The following MFAP1 variants were observed in gnomAD, a reference collection of about 807,000 sequenced individuals.
The protein encoded by MFAP1 is microfibril associated protein 1, also known as microfibrillar-associated protein 1.
A neutral mutation model predicts 62.2 loss-of-function variants in MFAP1; 18 were observed. The observed-to-expected ratio is 0.29, with a 90% CI of 0.20 to 0.43. The LOEUF (loss-of-function observed/expected upper bound fraction) is 0.43, where lower values mean the gene tolerates loss of function less well. Ranked by LOEUF, MFAP1 falls within the 20% of genes least tolerant of loss-of-function variation. The pLI is 1.00. For missense variants in MFAP1, 355 were observed against 559.7 expected (o/e 0.63, Z 3.69); for synonymous variants, 175 against 180.4 (o/e 0.97, Z 0.24).
rs2087456879 is a variant in MFAP1 at position 43,819,869 on chromosome 15, TGG to T, written c.80-2423_80-2422del. Reference sequence around the variant, plus strand: ...CTTTAAAAATCAGTGGGCATCCAGCTGGGTGTGGTGGCTCACGCCTGTAATCC... The same window carrying T: ...CTTTAAAAATCAGTGGGCATCCAGCTGTGTGGTGGCTCACGCCTGTAATCC... On this transcript the variant is annotated intron_variant, in intron 1 of 8. Transcript: ENST00000267812. Among the ~76,000 whole-genome samples, 6 of 152,182 alleles carry T rather than the reference TGG, an allele frequency of 3.9e-5. No homozygotes were observed. In the South Asian group the frequency reaches 1.2e-3, roughly 32 times the overall value.
chr15:43,808,691 T>C (rs1272139538), intron 7 of MFAP1, among the ~76,000 whole-genome samples: 2 of 152,234 alleles, frequency 1.3e-5, no homozygotes, highest in African/African-American at 4.8e-5. Context: ...AAACACTTCC[T>C]GCTAATCAGA....
chr15:43,813,458 C>A, intron 4 of MFAP1, 101 bp from the exon 5 acceptor site: 1 of 1,051,308 alleles, frequency 9.5e-7, no homozygotes, highest in East Asian at 2.8e-5. Flanking sequence ...ACCAAACAAT[C>A]TTTGGCTCTA....
At chr15:43,817,569 G>C in intron 1 of MFAP1, 121 bp from the exon 2 acceptor site, 1 of 955,024 alleles carries the variant, frequency 1.0e-6, no homozygotes, top group Non-Finnish European at 1.6e-6. Flanking sequence ...AGAAGAAGAA[G>C]AGAGCCACTA....
chr15:43,815,738 T>G (rs2087430150), intron 2 of MFAP1, among the ~76,000 whole-genome samples: 1 of 151,798 alleles, frequency 6.6e-6, no homozygotes, highest in Non-Finnish European at 1.5e-5. Flanking sequence ...GTTCAAGTGA[T>G]AATCCCTGCC....
chr15:43,810,526 C>A lies in MFAP1; in HGVS notation c.888-612G>T, dbSNP rs375973588. On this transcript the variant is annotated intron_variant, in intron 6 of 8. Coordinates refer to ENST00000267812, the MANE Select transcript of MFAP1 (RefSeq NM_005926.3). ...GGACTACAGGTGCCCGCCACCATGC[C>A]CAGCTAATCTTTTTGAATTTTTAGT... is the stretch of plus-strand genomic sequence containing the variant. 3.8e-4 allele frequency among the ~76,000 whole-genome samples: 58 copies of A among 152,010 alleles called. 1 individual carries two copies. In the East Asian group the frequency reaches 6.0e-3, roughly 16 times the overall value.
At chr15:43,805,544 A>C in intron 7 of MFAP1, 79 bp from the exon 8 acceptor site, 2 of 1,148,718 alleles carry the variant, frequency 1.7e-6, no homozygotes, top group East Asian at 5.0e-5. Context: ...ACTCTACAAT[A>C]AGGGATACAG....
intron 7 of MFAP1, among the ~76,000 whole-genome samples, chr15:43,806,742 C>T (rs867031461): frequency 2.0e-5 from 3 of 152,128 alleles, no homozygotes; most frequent in Non-Finnish European, 4.4e-5. Flanking sequence ...CCTGGTGGCG[C>T]GCACCTGTAA....
intron 1 of MFAP1, among the ~76,000 whole-genome samples, chr15:43,818,896 A>G (rs1044286815): frequency 1.3e-5 from 2 of 152,074 alleles, no homozygotes; most frequent in Non-Finnish European, 2.9e-5. Flanking sequence ...TGTGTCAAAC[A>G]CAAAAATATA....
At chr15:43,815,465 A>G (rs2087428618) in intron 2 of MFAP1, among the ~76,000 whole-genome samples, 1 of 152,156 alleles carries the variant, frequency 6.6e-6, no homozygotes, top group Non-Finnish European at 1.5e-5. Context: ...GGTGTGAGCC[A>G]CCATGTCCAT....
intron 1 of MFAP1, among the ~76,000 whole-genome samples, chr15:43,818,294 C>T (rs1333638440): frequency 5.3e-5 from 8 of 152,112 alleles, no homozygotes; most frequent in African/African-American, 1.2e-4. Context: ...GCTGGGATTA[C>T]AGGCGTGAGC....
At position 43,824,561 on chromosome 15, in the gene MFAP1, G is replaced by A. The variant is rs1430246390; in HGVS notation, c.9C>T (p.Val3=). 3 of 1,614,030 alleles carry A rather than the reference G, an allele frequency of 1.9e-6. No individual in the cohort carries two copies. Among genetic ancestry groups the A allele is most frequent in the African/African-American group, 2.7e-5 (2 of 74,910 alleles). Residue 3 remains valine, a synonymous_variant, in exon 1 of 9, where the codon GTC becomes GTT. Transcript: ENST00000267812. MS[V]PSALMKQPPI... ...GCGGTTGCTTCATGAGAGCGCTTGG[G>A]ACCGACATGTTGATGGCAGCGACGG...
intron 5 of MFAP1, 42 bp from the exon 6 acceptor site, chr15:43,813,189 C>T (rs1277656754): frequency 6.2e-7 from 1 of 1,614,114 alleles, no homozygotes; most frequent in South Asian, 1.1e-5. Flanking sequence ...CCTTACTCTC[C>T]TCAGACAAAC....
In MFAP1 at chr15:43,804,875, C is replaced by T. The variant is rs2087351667; in HGVS notation, c.*219G>A. 2.4e-6 allele frequency: 1 copy of T among 416,538 alleles called. No homozygotes were observed. Among genetic ancestry groups the T allele is most frequent in the African/African-American group, 2.0e-5 (1 of 49,260 alleles). The allele number at this position is 416,538 out of a possible 1,614,324, so 25.8% of individuals were successfully genotyped here. A position where few individuals can be genotyped will look rare whatever the true frequency, so the allele number is the denominator to read the frequency against. ...CTCAGAAATAGTTTTAAGTGGGAAG[C>T]CTCTAATCCTACCTGGACAGTGCTT... On this transcript the variant is annotated 3_prime_UTR_variant, in exon 9 of 9. Coordinates refer to ENST00000267812, the MANE Select transcript of MFAP1 (RefSeq NM_005926.3).
intron 1 of MFAP1, among the ~76,000 whole-genome samples, chr15:43,820,496 CAAGAT>C (rs1038953652): frequency 4.6e-5 from 7 of 152,008 alleles, no homozygotes; most frequent in African/African-American, 1.7e-4. Flanking sequence ...GTAGAAAACA[CAAGAT>C]AACAAATAGA....
Position 43,810,359 on chromosome 15 carries a change from CT to C in MFAP1, c.888-446del, listed in dbSNP as rs372486106. 2.4e-3 allele frequency among the ~76,000 whole-genome samples: 341 copies of C among 142,840 alleles called. 2 individuals are homozygous for C. The highest frequency in any genetic ancestry group is 3.8e-3 in the African/African-American group (147 of 39,112). 93.7% of individuals were successfully genotyped at this position (142,840 alleles called of 152,430 possible). A position where few individuals can be genotyped will look rare whatever the true frequency, so the allele number is the denominator to read the frequency against. ...ACCATCATTAATTAGATTGCAGTAACTTTTTTTTTTTTTTTTCTTTTTGGTG... is the reference window on the plus strand; with the variant it reads ...ACCATCATTAATTAGATTGCAGTAACTTTTTTTTTTTTTTTCTTTTTGGTG... On this transcript the variant is annotated intron_variant, in intron 6 of 8. Coordinates refer to ENST00000267812, the MANE Select transcript of MFAP1 (RefSeq NM_005926.3).
At position 43,805,168 on chromosome 15, in the gene MFAP1, A is replaced by G; in HGVS notation, c.1246T>C (p.Phe416Leu). 1 of 1,603,400 alleles carries G rather than the reference A, an allele frequency of 6.2e-7. No homozygotes were observed. Among genetic ancestry groups the G allele is most frequent in the South Asian group, 1.1e-5 (1 of 90,854 alleles). ...WGQESAQNTKFFKQKAAGVRD... is the reference protein window; with the variant it reads ...WGQESAQNTKLFKQKAAGVRD... ...ACCCCAGCTGCCTTTTGTTTGAAGAACTTTGTGTTCTGGGCACTCTCTTGG... is the reference window on the plus strand; with the variant it reads ...ACCCCAGCTGCCTTTTGTTTGAAGAGCTTTGTGTTCTGGGCACTCTCTTGG... The change falls in exon 9 of 9, where the codon TTC becomes CTC. Residue 416 changes from phenylalanine to leucine, a missense_variant. Transcript: ENST00000267812.
chr15:43,812,953 G>A, intron 6 of MFAP1, 34 bp downstream of exon 6: 2 of 1,608,644 alleles, frequency 1.2e-6, no homozygotes, highest in Non-Finnish European at 1.7e-6. Context: ...TGTTCCATTA[G>A]CAGCATTAAC....
At position 43,804,881 on chromosome 15, in the gene MFAP1, A is replaced by G; in HGVS notation, c.*213T>C. On this transcript the variant is annotated 3_prime_UTR_variant, in exon 9 of 9. Coordinates refer to ENST00000267812, the MANE Select transcript of MFAP1 (RefSeq NM_005926.3). ...AATAGTTTTAAGTGGGAAGCCTCTA[A>G]TCCTACCTGGACAGTGCTTTCCTGT... 9.2e-6 allele frequency: 4 copies of G among 432,720 alleles called. No individual in the cohort carries two copies. Among genetic ancestry groups the G allele is most frequent in the Non-Finnish European group, 1.6e-5 (4 of 247,450 alleles). The allele number at this position is 432,720 out of a possible 1,614,324, so 26.8% of individuals were successfully genotyped here. A position where few individuals can be genotyped will look rare whatever the true frequency, so the allele number is the denominator to read the frequency against.
chr15:43,806,966 C>T (rs1205275476), intron 7 of MFAP1, among the ~76,000 whole-genome samples: 3 of 152,210 alleles, frequency 2.0e-5, no homozygotes, highest in African/African-American at 4.8e-5. Context: ...TTTCAGTTCT[C>T]TTTGCCGCTT....
Sources: gnomAD v4.1 joint callset for allele counts (sites outside exome capture counted in the v4.1 genomes callset) on GRCh38, gnomAD v4.1.1 for gene constraint, MANE v1.5 for transcripts, NCBI Gene and HGNC (gene_info 2026-07-23, HGNC 2026-07-21) for gene names.